The following TTLL1 variants were observed in gnomAD, a reference collection of about 807,000 sequenced individuals.
TTLL1 encodes the protein TTL family tubulin polyglutamylase complex subunit L1, also known as polyglutamylase complex subunit TTLL1.
Under a neutral mutation model 47.8 loss-of-function variants are expected in TTLL1, and 33 were observed. That is an observed-to-expected ratio of 0.69 (90% CI 0.52 to 0.92). The LOEUF is 0.92. TTLL1 is among the 40% of genes least tolerant of loss of function. The pLI, the probability that TTLL1 is intolerant of heterozygous loss-of-function variation, is 0.00. For synonymous variants in TTLL1, 225 were observed against 214.1 expected (o/e 1.05, Z -0.45); for missense variants, 488 against 547.5 (o/e 0.89, Z 1.08).
rs61701643 is a variant in TTLL1 at position 43,074,427 on chromosome 22, C to CAA, written c.113+1045_113+1046dup. ...GGGTGACAGGAGCGAAATTTCGTCTCAAAAAAAAAAAAAAAAAAAGAAAGA... is the reference window on the plus strand; with the variant it reads ...GGGTGACAGGAGCGAAATTTCGTCTCAAAAAAAAAAAAAAAAAAAAAGAAAGA... On this transcript the variant is annotated intron_variant, in intron 3 of 10. Transcript: ENST00000266254. Among the ~76,000 whole-genome samples the CAA allele has an allele frequency of 3.7e-4, 32 of 85,604 alleles. 1 individual carries two copies. The highest frequency in any genetic ancestry group is 7.9e-4 in the African/African-American group (21 of 26,558). The allele number at this position is 85,604 out of a possible 152,430, so 56.2% of individuals were successfully genotyped here.
At position 43,051,933 on chromosome 22, in the gene TTLL1, C is replaced by T. The variant is rs187992455; in HGVS notation, c.892-46G>A. 3.3e-5 allele frequency: 53 copies of T among 1,587,988 alleles called. No homozygotes were observed. In the Admixed American group the frequency reaches 7.3e-4, roughly 22 times the overall value. The stretch of plus-strand genomic sequence containing the variant: ...GGGTGACATGGCCAGCATCGAAGGG[C>T]GCAGCCGAGACCAACGCCACAGAGA... On this transcript the variant is annotated intron_variant, in intron 8 of 10. Coordinates refer to ENST00000266254, the MANE Select transcript of TTLL1 (RefSeq NM_012263.5).
chr22:43,051,845 A>G lies in TTLL1; in HGVS notation c.934T>C (p.Tyr312His). ...NDKHCFECYG[Y>H]DIIIDDKLKP... ...AGCTTGTCGTCGATGATGATGTCGT[A>G]GCCATAGCATTCAAAGCAGTGCTTG... The change falls in exon 9 of 11, where the codon TAC becomes CAC. Residue 312 changes from tyrosine (Y) to histidine (H), a missense_variant. By Grantham distance (83) the Tyr-to-His change is moderately conservative. Transcript: ENST00000266254. The G allele has an allele frequency of 6.2e-7, 1 of 1,614,018 alleles. No individual in the cohort carries two copies. The highest frequency in any genetic ancestry group is 8.5e-7 in the Non-Finnish European group (1 of 1,180,004).
At chr22:43,083,859 TTTAA>T (rs1410326271) in intron 1 of TTLL1, among the ~76,000 whole-genome samples, 1 of 152,150 alleles carries the variant, frequency 6.6e-6, no homozygotes, top group Non-Finnish European at 1.5e-5. Flanking sequence ...AAATTCTTGA[TTTAA>T]TTAATCAAGA....
In TTLL1 at chr22:43,082,721, T is replaced by C. The variant is rs558849651; in HGVS notation, c.-89-2735A>G. ...ACAGGATGAGACTCTGTATCAAAAA[T>C]AATAAAAACAGGCTGCGCGCGGTGG... On this transcript the variant is annotated intron_variant, in intron 1 of 10. Transcript: ENST00000266254. 4.2e-4 allele frequency among the ~76,000 whole-genome samples: 57 copies of C among 136,692 alleles called. 1 individual carries two copies. Among genetic ancestry groups the C allele is most frequent in the African/African-American group, 1.5e-3 (54 of 36,424 alleles). 89.7% of individuals were successfully genotyped at this position (136,692 alleles called of 152,430 possible).
At chr22:43,043,702 C>T (rs994597496) in intron 10 of TTLL1, among the ~76,000 whole-genome samples, 3 of 152,100 alleles carry the variant, frequency 2.0e-5, no homozygotes, top group Non-Finnish European at 4.4e-5. Context: ...TCCCCTGCAG[C>T]CCCTGGTGTG....
At chr22:43,076,147 T>C (rs549855594) in intron 2 of TTLL1, among the ~76,000 whole-genome samples, 4 of 152,162 alleles carry the variant, frequency 2.6e-5, no homozygotes, top group Non-Finnish European at 5.9e-5. Flanking sequence ...CCTCTGTAAC[T>C]GCAGAGTGAC....
rs943240345 is a variant in TTLL1 at position 43,051,787 on chromosome 22, G to A, written c.978+14C>T. 1 of 1,613,450 alleles carries A rather than the reference G, an allele frequency of 6.2e-7. No individual in the cohort carries two copies. Among genetic ancestry groups the A allele is most frequent in the Non-Finnish European group, 8.5e-7 (1 of 1,179,416 alleles). On this transcript the variant is annotated intron_variant, in intron 9 of 10. Coordinates refer to ENST00000266254, the MANE Select transcript of TTLL1 (RefSeq NM_012263.5). Reference sequence around the variant, plus strand: ...ATGTGTGGTGTGACCAGGTGCAGGTGCTCCCGCAGTTACCTCGATCAGCCA... The same window carrying A: ...ATGTGTGGTGTGACCAGGTGCAGGTACTCCCGCAGTTACCTCGATCAGCCA...
Position 43,039,544 on chromosome 22 carries a change from T to A in TTLL1, c.*232A>T, listed in dbSNP as rs1482445067. 9 of 321,712 alleles carry A rather than the reference T, an allele frequency of 2.8e-5. No homozygotes were observed. In the East Asian group the frequency reaches 3.9e-4, roughly 14 times the overall value. The allele number at this position is 321,712 out of a possible 1,614,324, so 19.9% of individuals were successfully genotyped here. A position where few individuals can be genotyped will look rare whatever the true frequency, so the allele number is the denominator to read the frequency against. On this transcript the variant is annotated 3_prime_UTR_variant, in exon 11 of 11. Transcript: ENST00000266254. ...CTGTCAAAAAAGTGAGTTTTTAATA[T>A]GAAAATTCTGCTTAGGTTAAAAATT...
chr22:43,040,685 A>T (rs1373961614), intron 10 of TTLL1, among the ~76,000 whole-genome samples: 1 of 152,148 alleles, frequency 6.6e-6, no homozygotes, highest in Non-Finnish European at 1.5e-5. Context: ...ACCTCAGGTG[A>T]TCTGCCCATT....
chr22:43,053,392 C>T (rs1276620400), intron 8 of TTLL1, among the ~76,000 whole-genome samples: 1 of 152,226 alleles, frequency 6.6e-6, no homozygotes, highest in Admixed American at 6.5e-5. Context: ...AGCGGAATTA[C>T]ATTTAAACTA....
At position 43,064,183 on chromosome 22, in the gene TTLL1, C is replaced by A; in HGVS notation, c.638+7G>T. ...CAAGAGGGAACCAAAACCTTAGGGA[C>A]GCTTACATGTAACAGCGCAGTGGAC... On this transcript the variant is annotated splice_region_variant and intron_variant, in intron 6 of 10. Coordinates refer to ENST00000266254, the MANE Select transcript of TTLL1 (RefSeq NM_012263.5). 6.2e-7 allele frequency: 1 copy of A among 1,606,108 alleles called. No individual in the cohort carries two copies. Among genetic ancestry groups the A allele is most frequent in the South Asian group, 1.1e-5 (1 of 88,826 alleles).
chr22:43,066,891 G>A (rs544192545), intron 5 of TTLL1, among the ~76,000 whole-genome samples: 43 of 152,096 alleles, frequency 2.8e-4, no homozygotes, highest in African/African-American at 9.9e-4. Context: ...GGAGGCTGAG[G>A]TAGGCAGATC....
chr22:43,050,184 G>A (rs541902841), intron 9 of TTLL1, among the ~76,000 whole-genome samples: 4 of 152,176 alleles, frequency 2.6e-5, no homozygotes, highest in African/African-American at 7.2e-5. Context: ...TTGGGAGGCC[G>A]AGGTGGGCAG....
chr22:43,051,776 C>A (rs1033600894), intron 9 of TTLL1, 25 bp downstream of exon 9: 4 of 1,611,166 alleles, frequency 2.5e-6, no homozygotes, highest in South Asian at 1.1e-5. Context: ...GTGGTGTGAC[C>A]AGGTGCAGGT....
At chr22:43,072,916 C>A (rs1928222102) in intron 3 of TTLL1, among the ~76,000 whole-genome samples, 1 of 152,174 alleles carries the variant, frequency 6.6e-6, no homozygotes, top group Admixed American at 6.5e-5. Context: ...CATCTTTAAT[C>A]TGCCACAAAT....
Position 43,064,213 on chromosome 22 carries a change from C to T in TTLL1, c.615G>A (p.Thr205=), listed in dbSNP as rs144960440. Residue 205 remains threonine (T), a synonymous_variant, in exon 6 of 11, where the codon ACG becomes ACA. Coordinates refer to ENST00000266254, the MANE Select transcript of TTLL1 (RefSeq NM_012263.5). ...FDLRLYVLVS[T]YRPLRCYMYK... ...ACATGTAACAGCGCAGTGGACGGTACGTGGACACCAGAACGTACAAGCGCA... is the reference window on the plus strand; with the variant it reads ...ACATGTAACAGCGCAGTGGACGGTATGTGGACACCAGAACGTACAAGCGCA... 26 of 1,613,868 alleles carry T rather than the reference C, an allele frequency of 1.6e-5. No homozygotes were observed. Among genetic ancestry groups the T allele is most frequent in the African/African-American group, 4.0e-5 (3 of 74,916 alleles).
chr22:43,049,874 G>A (rs571587980), intron 9 of TTLL1, among the ~76,000 whole-genome samples: 5 of 148,626 alleles, frequency 3.4e-5, no homozygotes, highest in Non-Finnish European at 7.5e-5. Flanking sequence ...CAGGCAAATT[G>A]CCTGAGCGCT....
chr22:43,086,487 G>A (rs957188316), intron 1 of TTLL1, among the ~76,000 whole-genome samples: 1 of 152,124 alleles, frequency 6.6e-6, no homozygotes, highest in Non-Finnish European at 1.5e-5. Context: ...GCCACTGGTG[G>A]TCTAACTTCT....
chr22:43,087,970 A>T (rs1226815067), intron 1 of TTLL1, among the ~76,000 whole-genome samples: 1 of 151,912 alleles, frequency 6.6e-6, no homozygotes, highest in African/African-American at 2.4e-5. Flanking sequence ...CAACATGGCG[A>T]AACCCCATCT....
Sources: gnomAD v4.1 joint callset for allele counts (sites outside exome capture counted in the v4.1 genomes callset) on GRCh38, gnomAD v4.1.1 for gene constraint, MANE v1.5 for transcripts, NCBI Gene and HGNC (gene_info 2026-07-23, HGNC 2026-07-21) for gene names.